Variants in CEP72 observed in about 807,000 individuals in gnomAD.
CEP72 encodes the protein centrosomal protein 72.
A neutral mutation model predicts 65.7 loss-of-function variants in CEP72; 78 were observed. The ratio of observed to expected loss-of-function variants is 1.19; its 90% CI spans 0.99 to 1.43. The LOEUF (loss-of-function observed/expected upper bound fraction) is 1.43, where lower values mean the gene tolerates loss of function less well. Among genes scored for constraint, CEP72 ranks in the 40% most tolerant of loss-of-function variants. The pLI is 0.00. For missense variants in CEP72, 914 were observed against 832.9 expected (o/e 1.10, Z -1.20); for synonymous variants, 358 against 351.7 (o/e 1.02, Z -0.20).
At position 612,491 on chromosome 5, in the gene CEP72, T is replaced by TGGGGGGGGGGG. The variant is rs1561018894; in HGVS notation, c.82+51_82+52insGGGGGGGGGGG. 17 of 567,446 alleles carry TGGGGGGGGGGG rather than the reference T, an allele frequency of 3.0e-5. No homozygotes were observed. The Admixed American group carries it at 3.6e-4, about 12-fold the overall frequency. 35.2% of individuals were successfully genotyped at this position (567,446 alleles called of 1,614,324 possible). On this transcript the variant is annotated intron_variant, in intron 1 of 11. Coordinates refer to ENST00000264935, the MANE Select transcript of CEP72 (RefSeq NM_018140.4). ...GTGCAAGCGTGAGGTGGCGGGGGGG[T>TGGGGGGGGGGG]GGGTGCCGAGCTTCCCGGGGCGGCG...
chr5:672,520 C>CCCCA, the CEP72 span, among the ~76,000 whole-genome samples: 3 of 152,266 alleles, frequency 2.0e-5, no homozygotes, highest in African/African-American at 7.2e-5. Context: ...GGCTGGGTGC[C>CCCCA]CCCACCTGAG....
At chr5:651,381 G>A (rs1739076195) in intron 11 of CEP72, among the ~76,000 whole-genome samples, 1 of 151,722 alleles carries the variant, frequency 6.6e-6, no homozygotes, top group African/African-American at 2.4e-5. Context: ...AGTTGTGAAT[G>A]TGAGGTGTGG....
the CEP72 span, among the ~76,000 whole-genome samples, chr5:675,397 T>G: frequency 3.5e-5 from 3 of 85,870 alleles, no homozygotes; most frequent in Non-Finnish European, 6.5e-5. Context: ...GAGGGTGCAG[T>G]GTGGCCAGGG....
chr5:627,673 A>G (rs908952013), intron 4 of CEP72, among the ~76,000 whole-genome samples: 1 of 152,174 alleles, frequency 6.6e-6, no homozygotes, highest in African/African-American at 2.4e-5. Context: ...CACCACTCCA[A>G]ATACATTTTT....
intron 3 of CEP72, among the ~76,000 whole-genome samples, chr5:622,053 C>T (rs748179651): frequency 5.3e-5 from 8 of 152,230 alleles, no homozygotes; most frequent in African/African-American, 1.4e-4. Flanking sequence ...GGAATACAGG[C>T]GTGGGCCACT....
chr5:638,072 C>G (rs1737743768), intron 7 of CEP72, among the ~76,000 whole-genome samples: 1 of 152,212 alleles, frequency 6.6e-6, no homozygotes, highest in South Asian at 2.1e-4. Flanking sequence ...AGGGAATCAT[C>G]ACACTTAGGG....
At chr5:672,137 C>T (rs971876773), downstream of CEP72, among the ~76,000 whole-genome samples, 20 of 152,192 alleles carry the variant, frequency 1.3e-4, no homozygotes, top group African/African-American at 4.1e-4. Flanking sequence ...GGGAACAGTC[C>T]GAAGACTTTA....
chr5:624,095 G>A lies in CEP72; in HGVS notation c.404-376G>A, dbSNP rs953502125. On this transcript the variant is annotated intron_variant, in intron 3 of 11. Coordinates refer to ENST00000264935, the MANE Select transcript of CEP72 (RefSeq NM_018140.4). The surrounding 1 kb of genome is among the most constrained non-coding windows in gnomAD (Gnocchi z 4.7). ...AAGCACAGACCCAAAAGGCCTCCTG[G>A]AAGTTGCAGCCTCTCGGGCCGGGCA... 2.0e-5 allele frequency among the ~76,000 whole-genome samples: 3 copies of A among 152,172 alleles called. No individual in the cohort carries two copies. The highest frequency in any genetic ancestry group is 7.2e-5 in the African/African-American group (3 of 41,442).
downstream of CEP72, among the ~76,000 whole-genome samples, chr5:659,538 G>T (rs1210180892): frequency 6.6e-6 from 1 of 152,082 alleles, no homozygotes; most frequent in Non-Finnish European, 1.5e-5. Flanking sequence ...AGCCTGTGAT[G>T]ACATTGTCCT....
At chr5:622,547 T>G (rs113341259) in intron 3 of CEP72, among the ~76,000 whole-genome samples, 1 of 152,268 alleles carries the variant, frequency 6.6e-6, no homozygotes, top group Non-Finnish European at 1.5e-5. Flanking sequence ...CCCACTCATG[T>G]GGCAAGTGCT....
In CEP72 at chr5:616,831, T is replaced by TGCGC. The variant is rs1459436114; in HGVS notation, c.83-2155_83-2152dup. Among the ~76,000 whole-genome samples, 959 of 147,852 alleles carry TGCGC rather than the reference T, an allele frequency of 6.5e-3. 2 individuals carry two copies. The highest frequency in any genetic ancestry group is 0.01 in the Middle Eastern group (3 of 286). On this transcript the variant is annotated intron_variant, in intron 1 of 11. Coordinates refer to ENST00000264935, the MANE Select transcript of CEP72 (RefSeq NM_018140.4). ...GTGTGTGTGTATGTGTGTGTGTGTGTGCGCGCGAGTGGGGGTTTGCTTGCA... is the reference window on the plus strand; with the variant it reads ...GTGTGTGTGTATGTGTGTGTGTGTGTGCGCGCGCGCGAGTGGGGGTTTGCTTGCA...
At chr5:628,955 C>G (rs1377094624) in intron 4 of CEP72, among the ~76,000 whole-genome samples, 2 of 144,858 alleles carry the variant, frequency 1.4e-5, no homozygotes, top group Admixed American at 1.3e-4. Flanking sequence ...ACTCAGGTCA[C>G]AGGCCCCGGG....
downstream of CEP72, among the ~76,000 whole-genome samples, chr5:668,923 G>A (rs1010996980): frequency 2.6e-5 from 4 of 152,148 alleles, no homozygotes; most frequent in Middle Eastern, 3.2e-3. Flanking sequence ...CGGAGGTGCC[G>A]CTGGGTGATT....
chr5:639,307 G>A (rs1372712683), intron 8 of CEP72, 83 bp downstream of exon 8: 2 of 1,454,334 alleles, frequency 1.4e-6, no homozygotes, highest in South Asian at 2.7e-5. Flanking sequence ...TGACCTAGGA[G>A]TCATCTCAGC....
At chr5:649,976 TGTGACTGTGAGGC>T (rs1738858147) in intron 11 of CEP72, among the ~76,000 whole-genome samples, 1 of 8,284 alleles carries the variant, frequency 1.2e-4, no homozygotes, top group Non-Finnish European at 2.0e-4. Context: ...GACTGTGAGG[TGTGACTGTGAGGC>T]GTGGACTGTG....
chr5:649,044 G>C (rs1457213634), intron 11 of CEP72, among the ~76,000 whole-genome samples: 1 of 149,286 alleles, frequency 6.7e-6, no homozygotes, highest in Non-Finnish European at 1.5e-5. Flanking sequence ...AGGTGTGACT[G>C]TGAGGTGTGA....
Position 626,815 on chromosome 5 carries a change from T to C in CEP72, c.512+2236T>C, listed in dbSNP as rs865897168. Reference sequence around the variant, plus strand: ...TAACCTGGGTGACAGAGTGAGACCCTGTCTGTAAGAGAAATAGAAGTAAGT... The same window carrying C: ...TAACCTGGGTGACAGAGTGAGACCCCGTCTGTAAGAGAAATAGAAGTAAGT... On this transcript the variant is annotated intron_variant, in intron 4 of 11. Transcript: ENST00000264935. Among the ~76,000 whole-genome samples, 22 of 152,320 alleles carry C rather than the reference T, an allele frequency of 1.4e-4. 1 individual carries two copies. In the Middle Eastern group the frequency reaches 0.024, roughly 165 times the overall value.
At chr5:649,729 G>A (rs1335440470) in intron 11 of CEP72, among the ~76,000 whole-genome samples, 2 of 81,600 alleles carry the variant, frequency 2.5e-5, no homozygotes, top group South Asian at 4.6e-4. Flanking sequence ...ACCGTGAGGC[G>A]TGGACTGTGA....
chr5:634,156 A>C (rs1220798187), intron 5 of CEP72, among the ~76,000 whole-genome samples: 1 of 152,258 alleles, frequency 6.6e-6, no homozygotes, highest in Non-Finnish European at 1.5e-5. Flanking sequence ...GAGTATAGTC[A>C]TACTGCATGA....
Sources: allele counts gnomAD v4.1 joint callset (sites outside exome capture counted in the v4.1 genomes callset), GRCh38; gene constraint gnomAD v4.1.1; non-coding constraint Gnocchi (gnomAD v3.1); transcripts MANE v1.5; gene names NCBI Gene and HGNC (gene_info 2026-07-23, HGNC 2026-07-21).